GPRC6A: variants seen among roughly 807,000 people sequenced by gnomAD.
The protein encoded by GPRC6A is G protein-coupled receptor family C group 6 member A.
In GPRC6A, 54 loss-of-function variants were observed where a neutral mutation model predicts 47.0. The ratio of observed to expected loss-of-function variants is 1.15; its 90% CI spans 0.92 to 1.44. The LOEUF is 1.44. Among genes scored for constraint, GPRC6A ranks in the 40% most tolerant of loss-of-function variants. The pLI, the probability that GPRC6A is intolerant of heterozygous loss-of-function variation, is 0.00. For synonymous variants in GPRC6A, 347 were observed against 377.1 expected (o/e 0.92, Z 0.93); for missense variants, 1,112 against 1,105.5 (o/e 1.01, Z -0.08).
At chr6:116,827,793 T>C (rs56346914) in intron 1 of GPRC6A, among the ~76,000 whole-genome samples, 1 of 151,952 alleles carries the variant, frequency 6.6e-6, no homozygotes, top group African/African-American at 2.4e-5. Flanking sequence ...ATGATTATGA[T>C]GACAATAGCT....
At chr6:116,799,975 C>T (rs974147915) in intron 4 of GPRC6A, among the ~76,000 whole-genome samples, 2 of 152,076 alleles carry the variant, frequency 1.3e-5, no homozygotes, top group African/African-American at 4.8e-5. Context: ...TCTGATGTTT[C>T]AGTTTTGTTA....
intron 4 of GPRC6A, among the ~76,000 whole-genome samples, chr6:116,797,102 C>A (rs1240957635): frequency 6.7e-6 from 1 of 148,716 alleles, no homozygotes; most frequent in Non-Finnish European, 1.5e-5. Context: ...TCTCATTGTT[C>A]AATTCCCACC....
At chr6:116,814,804 A>G (rs564707587) in intron 1 of GPRC6A, among the ~76,000 whole-genome samples, 1 of 152,304 alleles carries the variant, frequency 6.6e-6, no homozygotes, top group South Asian at 2.1e-4. Context: ...TAAAAAAAGC[A>G]TGATCCAATT....
intron 1 of GPRC6A, among the ~76,000 whole-genome samples, chr6:116,816,948 C>T (rs1332151025): frequency 7.2e-5 from 11 of 151,950 alleles, no homozygotes; most frequent in Non-Finnish European, 1.3e-4. Context: ...AAGGTGGCAG[C>T]GAGGCTGGGG....
chr6:116,811,836 A>G (rs937630440), intron 1 of GPRC6A, among the ~76,000 whole-genome samples: 1 of 152,130 alleles, frequency 6.6e-6, no homozygotes, highest in Admixed American at 6.6e-5. Context: ...TAAAGGAAAA[A>G]AAAAGAATTA....
intron 1 of GPRC6A, among the ~76,000 whole-genome samples, chr6:116,815,076 A>T (rs1009860690): frequency 6.6e-6 from 1 of 152,208 alleles, no homozygotes; most frequent in Non-Finnish European, 1.5e-5. Context: ...AGATTCATAA[A>T]GCAAAAATTA....
At chr6:116,824,733 C>T (rs980421193) in intron 1 of GPRC6A, among the ~76,000 whole-genome samples, 1 of 151,958 alleles carries the variant, frequency 6.6e-6, no homozygotes, top group African/African-American at 2.4e-5. Context: ...TTCTCTCTAA[C>T]TCATTCTATG....
chr6:116,827,197 A>G (rs1467083227), intron 1 of GPRC6A, among the ~76,000 whole-genome samples: 1 of 151,974 alleles, frequency 6.6e-6, no homozygotes, highest in Non-Finnish European at 1.5e-5. Flanking sequence ...GCTAGAAGAG[A>G]GGACTTGAAT....
At chr6:116,807,923 T>TTGCATCTA (rs1772906104) in intron 2 of GPRC6A, among the ~76,000 whole-genome samples, 1 of 152,136 alleles carries the variant, frequency 6.6e-6, no homozygotes, top group South Asian at 2.1e-4. Context: ...TGGTGAATTA[T>TTGCATCTA]TACCTTCTAT....
At chr6:116,813,777 G>A (rs1225975062) in intron 1 of GPRC6A, among the ~76,000 whole-genome samples, 1 of 152,138 alleles carries the variant, frequency 6.6e-6, no homozygotes, top group Non-Finnish European at 1.5e-5. Flanking sequence ...TTAAACTAAC[G>A]AGCTTCTGCA....
intron 4 of GPRC6A, among the ~76,000 whole-genome samples, chr6:116,799,495 G>A (rs976632352): frequency 2.6e-5 from 4 of 152,160 alleles, no homozygotes; most frequent in African/African-American, 9.7e-5. Context: ...ATTTCATTGA[G>A]GGGAGAATAA....
At chr6:116,796,280 A>G (rs73765858) in intron 4 of GPRC6A, among the ~76,000 whole-genome samples, 1 of 152,218 alleles carries the variant, frequency 6.6e-6, no homozygotes, top group East Asian at 1.9e-4. Context: ...AACTCCAAAA[A>G]ATAAAAAAAA....
chr6:116,797,757 A>G (rs968948361), intron 4 of GPRC6A, among the ~76,000 whole-genome samples: 1 of 152,228 alleles, frequency 6.6e-6, no homozygotes, highest in African/African-American at 2.4e-5. Flanking sequence ...GAAATGAATC[A>G]GAGCATGTTT....
At chr6:116,797,944 CA>C (rs1267379448) in intron 4 of GPRC6A, among the ~76,000 whole-genome samples, 1 of 152,094 alleles carries the variant, frequency 6.6e-6, no homozygotes, top group Admixed American at 6.6e-5. Context: ...CTTTTACAGC[CA>C]GGGGAAATCA....
At chr6:116,811,860 A>G (rs532371280) in intron 1 of GPRC6A, among the ~76,000 whole-genome samples, 131 of 152,292 alleles carry the variant, frequency 8.6e-4, no homozygotes, top group African/African-American at 3.1e-3. Context: ...AAAGCTAAAC[A>G]AAGCCTTCAT....
intron 3 of GPRC6A, among the ~76,000 whole-genome samples, chr6:116,805,561 C>T (rs1433426235): frequency 3.9e-5 from 6 of 151,966 alleles, no homozygotes; most frequent in African/African-American, 7.2e-5. Context: ...ATAAGTAAAA[C>T]ATCATTATTA....
chr6:116,792,526 G>T lies in GPRC6A; in HGVS notation c.2397C>A (p.Ile799=), dbSNP rs767205030. 1 of 1,613,804 alleles carries T rather than the reference G, an allele frequency of 6.2e-7. No individual in the cohort carries two copies. The highest frequency in any genetic ancestry group is 8.5e-7 in the Non-Finnish European group (1 of 1,179,876). ...TGCCAAATGTGGTAGCATAGATAGG[G>T]ATGAATGTGATCCAAGCTATGAAGT... ...LIYFIAWITF[I]PIYATTFGKY... The change falls in exon 6 of 6, where the codon ATC becomes ATA. Residue 799 remains isoleucine, a synonymous_variant. Coordinates refer to ENST00000310357, the MANE Select transcript of GPRC6A (RefSeq NM_148963.4).
intron 1 of GPRC6A, among the ~76,000 whole-genome samples, chr6:116,819,702 C>T (rs1773386423): frequency 6.6e-6 from 1 of 152,046 alleles, no homozygotes; most frequent in African/African-American, 2.4e-5. Flanking sequence ...GGGACACATT[C>T]AAAGCAGTGT....
chr6:116,792,090 C>G lies in GPRC6A; in HGVS notation c.*52G>C, dbSNP rs1582448742. 1 of 1,463,106 alleles carries G rather than the reference C, an allele frequency of 6.8e-7. No homozygotes were observed. 90.6% of individuals were successfully genotyped at this position (1,463,106 alleles called of 1,614,324 possible). ...GGAAAGTAAATTTATATCTTAGATG[C>G]AAAGACCCTGGAAACATTTTATTCT... On this transcript the variant is annotated 3_prime_UTR_variant, in exon 6 of 6. Transcript: ENST00000310357.
Sources: allele counts gnomAD v4.1 joint callset (sites outside exome capture counted in the v4.1 genomes callset), GRCh38; gene constraint gnomAD v4.1.1; transcripts MANE v1.5; gene names NCBI Gene and HGNC (gene_info 2026-07-23, HGNC 2026-07-21).